Variants in BCL2L13 observed in about 807,000 individuals in gnomAD.
The protein encoded by BCL2L13 is BCL2 like 13.
In BCL2L13, 13 loss-of-function variants were observed where a neutral mutation model predicts 25.8. The ratio of observed to expected loss-of-function variants is 0.50; its 90% CI spans 0.33 to 0.80. BCL2L13 has a LOEUF of 0.80. Among genes scored for constraint, BCL2L13 ranks in the 30% least tolerant of loss-of-function variants. The pLI, the probability that BCL2L13 is intolerant of heterozygous loss-of-function variation, is 0.02. For missense variants in BCL2L13, 504 were observed against 574.9 expected (o/e 0.88, Z 1.26); for synonymous variants, 244 against 230.3 (o/e 1.06, Z -0.54).
chr22:17,656,647 C>G (rs573547111), intron 2 of BCL2L13, among the ~76,000 whole-genome samples: 1 of 151,794 alleles, frequency 6.6e-6, no homozygotes, highest in South Asian at 2.1e-4. Flanking sequence ...GCGCCCAACT[C>G]ATTTTATTCT....
intron 3 of BCL2L13, among the ~76,000 whole-genome samples, chr22:17,684,042 G>A (rs766677946): frequency 5.9e-5 from 9 of 151,956 alleles, no homozygotes; most frequent in African/African-American, 1.2e-4. Flanking sequence ...CGACTACACA[G>A]CATTTGCATT....
At chr22:17,654,962 A>T (rs918808364) in intron 1 of BCL2L13, among the ~76,000 whole-genome samples, 1 of 151,944 alleles carries the variant, frequency 6.6e-6, no homozygotes, top group Non-Finnish European at 1.5e-5. Context: ...GGACTCAAGC[A>T]GTCCTCCCAC....
intron 2 of BCL2L13, among the ~76,000 whole-genome samples, chr22:17,662,641 A>G (rs972798729): frequency 6.6e-6 from 1 of 151,224 alleles, no homozygotes; most frequent in African/African-American, 2.4e-5. Context: ...ACATGGCGAA[A>G]CCCCGCCTCT....
chr22:17,727,353 C>T lies in BCL2L13; in HGVS notation c.1277C>T (p.Ser426Phe). Residue 426 changes from serine (S) to phenylalanine (F), a missense_variant, in exon 7 of 7, where the codon TCC becomes TTC. By Grantham distance (155) the Ser-to-Phe change is radical. Transcript: ENST00000317582. The stretch of plus-strand genomic sequence containing the variant: ...GAAGAGAGCCTTGTGGAAGAGCTGT[C>T]CCCTGCCAGCGAGAAGAAGCCCGTG... ...AREESLVEELSPASEKKPVPP... is the reference protein window; with the variant it reads ...AREESLVEELFPASEKKPVPP... The T allele has an allele frequency of 6.2e-7, 1 of 1,614,218 alleles. No individual in the cohort carries two copies. The highest frequency in any genetic ancestry group is 8.5e-7 in the Non-Finnish European group (1 of 1,180,038).
At chr22:17,675,384 T>C (rs185981277) in intron 2 of BCL2L13, among the ~76,000 whole-genome samples, 410 of 152,318 alleles carry the variant, frequency 2.7e-3, no homozygotes, top group Non-Finnish European at 4.6e-3. Context: ...GGTTATATTA[T>C]CTGCAAGAAG....
In BCL2L13 at chr22:17,706,596, AGT is replaced by A. The variant is rs940961049; in HGVS notation, c.600+4214_600+4215del. On this transcript the variant is annotated intron_variant, in intron 6 of 6. Transcript: ENST00000317582. ...CAGGTTTTCACATGCGTCTCTGAAG[AGT>A]GTGGTTTTTTTCCCTCTCCTTAAGT... is the stretch of plus-strand genomic sequence containing the variant. The A allele has an allele frequency of 8.8e-6, 9 of 1,022,018 alleles. No homozygotes were observed. The Admixed American group carries it at 1.6e-4, about 19-fold the overall frequency. 63.3% of individuals were successfully genotyped at this position (1,022,018 alleles called of 1,614,324 possible).
intron 2 of BCL2L13, among the ~76,000 whole-genome samples, chr22:17,678,006 AC>A (rs922658005): frequency 6.6e-6 from 1 of 152,122 alleles, no homozygotes; most frequent in East Asian, 1.9e-4. Flanking sequence ...TGATAGTGCC[AC>A]TGCACTCCAG....
At chr22:17,672,632 A>AAATAAATAATAG (rs2059449911) in intron 2 of BCL2L13, among the ~76,000 whole-genome samples, 1 of 152,262 alleles carries the variant, frequency 6.6e-6, no homozygotes, top group Admixed American at 6.5e-5. Flanking sequence ...GTCACTGGTC[A>AAATAAATAATAG]GCTAAATAAA....
intron 6 of BCL2L13, among the ~76,000 whole-genome samples, chr22:17,715,589 CAAAAATAT>C (rs1034523072): frequency 3.3e-5 from 5 of 151,964 alleles, no homozygotes; most frequent in African/African-American, 1.2e-4. Context: ...ACCAGTGCAA[CAAAAATAT>C]AAAAATATAT....
intron 1 of BCL2L13, among the ~76,000 whole-genome samples, chr22:17,645,590 A>T (rs1292515191): frequency 6.6e-6 from 1 of 151,602 alleles, no homozygotes; most frequent in East Asian, 1.9e-4. Context: ...TAATTCCTAC[A>T]ATATAATCAG....
chr22:17,726,692 CTT>C lies in BCL2L13; in HGVS notation c.617_618del (p.Leu206ArgfsTer15). ...TCGTTTCTAGGGCACTGTGTTTAGT[CTT>C]GAGTCAGAGGAGGAGGAATACCCTG... is the stretch of plus-strand genomic sequence containing the variant. ...QQGGWGTVFS[L>X]ESEEEEYPGI... On this transcript the variant is annotated frameshift_variant, in exon 7 of 7. Coordinates refer to ENST00000317582, the MANE Select transcript of BCL2L13 (RefSeq NM_015367.4). LOFTEE classifies it low-confidence loss of function (END_TRUNC). The C allele has an allele frequency of 6.2e-7, 1 of 1,613,672 alleles. No individual in the cohort carries two copies.
intron 2 of BCL2L13, among the ~76,000 whole-genome samples, chr22:17,667,485 T>A (rs902715052): frequency 2.0e-5 from 3 of 150,156 alleles, no homozygotes; most frequent in African/African-American, 7.4e-5. Context: ...TGAGTTTTTT[T>A]AAATTGAGTT....
chr22:17,703,471 G>GAC (rs2060500981), intron 6 of BCL2L13: 1 of 151,678 alleles, frequency 6.6e-6, no homozygotes, highest in African/African-American at 2.4e-5. Flanking sequence ...CATTTATGCG[G>GAC]ACTCTCTTTC....
chr22:17,716,077 G>GACATTATAATTC (rs1326323674), intron 6 of BCL2L13, among the ~76,000 whole-genome samples: 2 of 152,178 alleles, frequency 1.3e-5, no homozygotes. Context: ...TTGAGAAGAT[G>GACATTATAATTC]ACTAATACAT....
chr22:17,640,353 G>C (rs1328921192), intron 1 of BCL2L13, among the ~76,000 whole-genome samples: 1 of 152,058 alleles, frequency 6.6e-6, no homozygotes, highest in African/African-American at 2.4e-5. Context: ...AGTATATTCA[G>C]TAGTTGGATT....
chr22:17,684,270 A>G (rs908753166), intron 3 of BCL2L13, among the ~76,000 whole-genome samples: 1 of 152,126 alleles, frequency 6.6e-6, no homozygotes, highest in Non-Finnish European at 1.5e-5. Context: ...TGAGTTCAAA[A>G]CCACACTGGG....
chr22:17,638,021 C>T (rs1475255741), upstream of BCL2L13: 2 of 152,206 alleles, frequency 1.3e-5, no homozygotes, highest in South Asian at 2.1e-4. Context: ...TCCTTATTGT[C>T]AATGCCCTCC....
In BCL2L13 at chr22:17,727,270, G is replaced by T. The variant is rs2061324055; in HGVS notation, c.1194G>T (p.Val398=). 1 of 1,614,236 alleles carries T rather than the reference G, an allele frequency of 6.2e-7. No homozygotes were observed. The highest frequency in any genetic ancestry group is 8.5e-7 in the Non-Finnish European group (1 of 1,180,046). ...CTGAACCTACTGAAGTGGAGGAGGT[G>T]GTCCCCGCACTGGAACCCACAGAAA... The part of the protein sequence containing the change: ...ATTEPTEVEE[V]VPALEPTETL... The change falls in exon 7 of 7, where the codon GTG becomes GTT. Residue 398 remains valine (V), a synonymous_variant. Transcript: ENST00000317582.
At chr22:17,673,774 A>G (rs1324265804) in intron 2 of BCL2L13, among the ~76,000 whole-genome samples, 1 of 152,124 alleles carries the variant, frequency 6.6e-6, no homozygotes, top group Non-Finnish European at 1.5e-5. Context: ...ACCTGCTGGA[A>G]TGGGAACTTT....
Sources: allele counts gnomAD v4.1 joint callset (sites outside exome capture counted in the v4.1 genomes callset), GRCh38; gene constraint gnomAD v4.1.1; transcripts MANE v1.5; gene names NCBI Gene and HGNC (gene_info 2026-07-23, HGNC 2026-07-21).